The following VPS13C variants were observed in gnomAD, a reference collection of about 807,000 sequenced individuals.
The protein encoded by VPS13C is intermembrane lipid transfer protein VPS13C.
VPS13C carries 358 observed loss-of-function variants against 456.8 expected under a neutral mutation model. The ratio of observed to expected loss-of-function variants is 0.78; its 90% CI spans 0.72 to 0.86. The LOEUF is 0.86. Among genes scored for constraint, VPS13C ranks in the 40% least tolerant of loss-of-function variants. The pLI, the probability that VPS13C is intolerant of heterozygous loss-of-function variation, is 0.00. For missense variants in VPS13C, 4,818 were observed against 4,385.4 expected, an observed-to-expected ratio of 1.10 and a Z score of -2.79; for synonymous variants, 1,578 against 1,486.7, an observed-to-expected ratio of 1.06 and a Z score of -1.41.
intron 43 of VPS13C, 93 bp downstream of exon 43, chr15:61,947,100 A>G: frequency 1.2e-6 from 1 of 813,640 alleles, no homozygotes; most frequent in East Asian, 2.8e-5. Context: ...AGTAAACCAA[A>G]AGAAAACTCA....
At chr15:61,873,141 C>T (rs113273437) in intron 78 of VPS13C, 105 bp downstream of exon 78, 3 of 1,481,852 alleles carry the variant, frequency 2.0e-6, no homozygotes, top group African/African-American at 1.4e-5. Flanking sequence ...TCTTTCTATT[C>T]CTACAGGCCT....
intron 16 of VPS13C, among the ~76,000 whole-genome samples, chr15:61,996,119 T>G (rs141880633): frequency 4.1e-4 from 62 of 152,294 alleles, no homozygotes; most frequent in African/African-American, 1.4e-3. Flanking sequence ...ATTCTGTATA[T>G]GAACCTGTCA....
intron 16 of VPS13C, among the ~76,000 whole-genome samples, chr15:61,999,613 TTTTA>T (rs1312761325): frequency 3.3e-5 from 5 of 152,134 alleles, no homozygotes; most frequent in Non-Finnish European, 7.4e-5. Context: ...AGTGTTTTTG[TTTTA>T]TTTATCTATA....
rs748139778 is a variant in VPS13C at position 62,000,624 on chromosome 15, G to C, written c.1293C>G (p.Asp431Glu). The C allele has an allele frequency of 1.9e-6, 3 of 1,598,018 alleles. No homozygotes were observed. The highest frequency in any genetic ancestry group is 3.5e-5 in the Admixed American group (2 of 56,700). The change falls in exon 16 of 85, where the codon GAC becomes GAG. Residue 431 changes from aspartate to glutamate, a missense_variant and splice_region_variant. Asp to Glu is a conservative substitution (Grantham distance 45). Transcript: ENST00000644861. ...VSEEIQKEIQDLEKTLDVFNI... is the reference protein window; with the variant it reads ...VSEEIQKEIQELEKTLDVFNI... Reference sequence around the variant, plus strand: ...TAAAAACATCTAGAGTCTTCTCCAAGTCCTGTAAAAAACAGAGGCACTTAT... The same window carrying C: ...TAAAAACATCTAGAGTCTTCTCCAACTCCTGTAAAAAACAGAGGCACTTAT...
At chr15:61,905,144 A>G (rs985491177) in intron 66 of VPS13C, among the ~76,000 whole-genome samples, 1 of 152,302 alleles carries the variant, frequency 6.6e-6, no homozygotes, top group East Asian at 1.9e-4. Flanking sequence ...AATGTTCCCA[A>G]CATAAAGAGA....
At chr15:61,930,192 T>C (rs1184263429) in intron 50 of VPS13C, among the ~76,000 whole-genome samples, 1 of 152,308 alleles carries the variant, frequency 6.6e-6, no homozygotes, top group South Asian at 2.1e-4. Context: ...CTACGAAAAT[T>C]TGAGTCTGAA....
chr15:62,007,242 C>T lies in VPS13C; in HGVS notation c.1290+66G>A, dbSNP rs2046882431. On this transcript the variant is annotated intron_variant, in intron 15 of 84. Coordinates refer to ENST00000644861, the MANE Select transcript of VPS13C (RefSeq NM_020821.3). ...TAAAATTATTTTTTGATTCAAATTA[C>T]ATGCAGAAGAATATTAAAGGATGAT... The T allele has an allele frequency of 5.2e-6, 6 of 1,152,212 alleles. No homozygotes were observed. In the South Asian group the frequency reaches 1.6e-4, roughly 31 times the overall value. 71.4% of individuals were successfully genotyped at this position (1,152,212 alleles called of 1,614,324 possible). A position where few individuals can be genotyped will look rare whatever the true frequency, so the allele number is the denominator to read the frequency against.
intron 55 of VPS13C, among the ~76,000 whole-genome samples, chr15:61,921,475 T>A (rs1471577402): frequency 1.3e-5 from 2 of 152,094 alleles, no homozygotes; most frequent in Non-Finnish European, 2.9e-5. Context: ...GTCTCACCCT[T>A]AAAAATCACT....
intron 77 of VPS13C, among the ~76,000 whole-genome samples, chr15:61,874,399 A>T (rs1489571437): frequency 6.6e-6 from 1 of 152,108 alleles, no homozygotes; most frequent in Non-Finnish European, 1.5e-5. Context: ...ACCAGATTTG[A>T]TCACTACATA....
chr15:61,931,487 A>G (rs2044054295), intron 49 of VPS13C, among the ~76,000 whole-genome samples: 1 of 152,174 alleles, frequency 6.6e-6, no homozygotes, highest in Non-Finnish European at 1.5e-5. Flanking sequence ...TGATTAGTAT[A>G]GAAAAATTTA....
rs747470685 is a variant in VPS13C, at chr15:61,929,710, G to A, written c.6077C>T (p.Ser2026Phe). 13 of 1,613,136 alleles carry A rather than the reference G, an allele frequency of 8.1e-6. No individual in the cohort carries two copies. The highest frequency in any genetic ancestry group is 1.1e-5 in the Non-Finnish European group (13 of 1,179,502). Residue 2026 changes from serine to phenylalanine, a missense_variant, in exon 51 of 85, where the codon TCT (serine) becomes TTT (phenylalanine). Around this residue, in one of 3 missense-constraint regions of VPS13C, gnomAD observed 4,552 missense variants for 4,130.6 expected, o/e 1.10. Coordinates refer to ENST00000644861, the MANE Select transcript of VPS13C (RefSeq NM_020821.3). Reference protein sequence around the residue: ...DRKNDQDNNSSMIDISYKQDK... With the variant: ...DRKNDQDNNSFMIDISYKQDK... The stretch of plus-strand genomic sequence containing the variant: ...TTGTTTGTAACTTATATCAATCATA[G>A]AACTGTTGTTATCTTGGTCATTCTT...
intron 15 of VPS13C, among the ~76,000 whole-genome samples, chr15:62,005,016 T>C (rs1393519891): frequency 1.3e-5 from 2 of 151,596 alleles, no homozygotes; most frequent in East Asian, 3.9e-4. Context: ...GGGTGGAGAG[T>C]TCTGTAGATG....
chr15:62,059,302 G>A (rs2048909680), intron 1 of VPS13C, among the ~76,000 whole-genome samples: 1 of 152,178 alleles, frequency 6.6e-6, no homozygotes, highest in South Asian at 2.1e-4. Flanking sequence ...GTGGACAGGG[G>A]AAGTCTATAG....
At chr15:61,878,773 T>C (rs1205015132) in intron 73 of VPS13C, 27 bp from the exon 74 acceptor site, 2 of 1,585,676 alleles carry the variant, frequency 1.3e-6, no homozygotes, top group Admixed American at 1.8e-5. Flanking sequence ...GTTCAATAAA[T>C]GAAAGCTAAA....
intron 52 of VPS13C, among the ~76,000 whole-genome samples, chr15:61,925,763 G>A (rs118100937): frequency 0.032 from 4,870 of 152,288 alleles, 113 homozygotes; most frequent in South Asian, 0.076. Flanking sequence ...ACTTTAAGCC[G>A]TTCTGATGAA....
At chr15:61,982,140 T>G (rs2045907254) in intron 21 of VPS13C, among the ~76,000 whole-genome samples, 2 of 152,206 alleles carry the variant, frequency 1.3e-5, no homozygotes, top group Admixed American at 1.3e-4. Flanking sequence ...TCTTTCAAAC[T>G]ATATTCACAC....
intron 62 of VPS13C, 56 bp downstream of exon 62, chr15:61,913,255 T>C (rs566493390): frequency 1.0e-5 from 15 of 1,498,366 alleles, no homozygotes; most frequent in Middle Eastern, 3.4e-4. Flanking sequence ...AACTTGTTTG[T>C]TGAACTGTAG....
At chr15:61,960,358 C>T (rs868223400) in intron 35 of VPS13C, among the ~76,000 whole-genome samples, 2 of 152,100 alleles carry the variant, frequency 1.3e-5, no homozygotes, top group South Asian at 4.1e-4. Context: ...CTCAATAGTA[C>T]AGAATACAAT....
intron 16 of VPS13C, among the ~76,000 whole-genome samples, chr15:61,994,926 T>G (rs555997066): frequency 6.6e-6 from 1 of 152,304 alleles, no homozygotes; most frequent in Admixed American, 6.5e-5. Context: ...TAAATGATTC[T>G]GCTGACATTG....
Sources: allele counts gnomAD v4.1 joint callset (sites outside exome capture counted in the v4.1 genomes callset), GRCh38; gene constraint gnomAD v4.1.1; regional missense constraint gnomAD v4.1.1; transcripts MANE v1.5; gene names NCBI Gene and HGNC (gene_info 2026-07-23, HGNC 2026-07-21).